The following ZNF66 variants were observed in gnomAD, a reference collection of about 807,000 sequenced individuals.
ZNF66 encodes putative zinc finger protein 66.
ZNF66 carries 32 observed loss-of-function variants against 35.2 expected under a neutral mutation model. That is an observed-to-expected ratio of 0.91 (90% CI 0.69 to 1.22). The LOEUF (loss-of-function observed/expected upper bound fraction) is 1.22. ZNF66 is among the 50% of genes most tolerant of loss of function. The pLI, the probability that ZNF66 is intolerant of heterozygous loss-of-function variation, is 0.00. For missense variants in ZNF66, 666 were observed against 543.1 expected (o/e 1.23, Z -2.25); for synonymous variants, 231 against 181.3 (o/e 1.27, Z -2.20).
intron 1 of ZNF66, among the ~76,000 whole-genome samples, chr19:20,791,496 A>AAAAG (rs1971337079): frequency 1.3e-5 from 2 of 149,606 alleles, no homozygotes; most frequent in African/African-American, 2.5e-5. Flanking sequence ...AAAAAAAAAA[A>AAAAG]AAAAAAAAAG....
At position 20,809,723 on chromosome 19, in the gene ZNF66, A is replaced by G. The variant is rs1971569941; in HGVS notation, c.*2401A>G. Among the ~76,000 whole-genome samples, 1 of 152,176 alleles carries G rather than the reference A, an allele frequency of 6.6e-6. No individual in the cohort carries two copies. ...AACAACTGATACCAGCCGCTGCAAAATCATGCCAAAATGTAAAGACCATCG... is the reference window on the plus strand; with the variant it reads ...AACAACTGATACCAGCCGCTGCAAAGTCATGCCAAAATGTAAAGACCATCG... On this transcript the variant is annotated 3_prime_UTR_variant, in exon 4 of 4. Coordinates refer to ENST00000344519, the MANE Select transcript of ZNF66 (RefSeq NM_001355197.2).
In ZNF66 at chr19:20,807,685, A is replaced by G. The variant is rs1260713574; in HGVS notation, c.*363A>G. On this transcript the variant is annotated 3_prime_UTR_variant, in exon 4 of 4. Transcript: ENST00000344519. Reference sequence around the variant, plus strand: ...AACCTCTGCCTCCCGGGTTCAAGCCATTTTCCTGCCTCAGCTTGTCTAGTA... The same window carrying G: ...AACCTCTGCCTCCCGGGTTCAAGCCGTTTTCCTGCCTCAGCTTGTCTAGTA... 2.6e-5 allele frequency among the ~76,000 whole-genome samples: 4 copies of G among 151,206 alleles called. No individual in the cohort carries two copies. The highest frequency in any genetic ancestry group is 2.9e-5 in the Non-Finnish European group (2 of 67,886).
At chr19:20,802,193 G>A (rs960233700) in intron 3 of ZNF66, among the ~76,000 whole-genome samples, 5 of 152,004 alleles carry the variant, frequency 3.3e-5, no homozygotes, top group Non-Finnish European at 4.4e-5. Flanking sequence ...TAGATTGTTG[G>A]GTACTTTATT....
Position 20,806,670 on chromosome 19 carries a change from C to G in ZNF66, c.1070C>G (p.Thr357Ser), listed in dbSNP as rs746954167. Residue 357 changes from threonine (T) to serine (S), a missense_variant, in exon 4 of 4, where the codon ACT becomes AGT. Physicochemically the swap from Thr to Ser is moderately conservative, Grantham distance 58. Coordinates refer to ENST00000344519, the MANE Select transcript of ZNF66 (RefSeq NM_001355197.2). ...GKGFKYSSTLTKHKIIHTGEK... is the reference protein window; with the variant it reads ...GKGFKYSSTLSKHKIIHTGEK... ...GGCTTTAAGTACTCCTCTACCCTTACTAAACATAAAATAATCCATACTGGA... is the reference window on the plus strand; with the variant it reads ...GGCTTTAAGTACTCCTCTACCCTTAGTAAACATAAAATAATCCATACTGGA... 13 of 1,510,198 alleles carry G rather than the reference C, an allele frequency of 8.6e-6. No homozygotes were observed. The highest frequency in any genetic ancestry group is 1.2e-5 in the Non-Finnish European group (13 of 1,087,850). 93.5% of individuals were successfully genotyped at this position (1,510,198 alleles called of 1,614,324 possible). A position where few individuals can be genotyped will look rare whatever the true frequency, so the allele number is the denominator to read the frequency against.
chr19:20,785,769 G>T lies in ZNF66; in HGVS notation c.4-6743G>T, dbSNP rs550433617. Among the ~76,000 whole-genome samples, 865 of 127,018 alleles carry T rather than the reference G, an allele frequency of 6.8e-3. 10 individuals are homozygous for T. The highest frequency in any genetic ancestry group is 0.024 in the African/African-American group (841 of 35,308). The allele number at this position is 127,018 out of a possible 152,430, so 83.3% of individuals were successfully genotyped here. A position where few individuals can be genotyped will look rare whatever the true frequency, so the allele number is the denominator to read the frequency against. ...TTTTTCTGTTTTTGTTTGTTTGTTTGTTTGTTTTTTGAGATAGAGGTCTCA... is the reference window on the plus strand; with the variant it reads ...TTTTTCTGTTTTTGTTTGTTTGTTTTTTTGTTTTTTGAGATAGAGGTCTCA... On this transcript the variant is annotated intron_variant, in intron 1 of 3. Transcript: ENST00000344519.
intron 1 of ZNF66, among the ~76,000 whole-genome samples, chr19:20,790,420 A>C (rs1367689801): frequency 6.6e-6 from 1 of 150,670 alleles, no homozygotes; most frequent in African/African-American, 2.4e-5. Context: ...GGCCTATTCT[A>C]TTTGGGTTTG....
At chr19:20,782,612 T>G (rs1971254812) in intron 1 of ZNF66, among the ~76,000 whole-genome samples, 1 of 152,326 alleles carries the variant, frequency 6.6e-6, no homozygotes, top group South Asian at 2.1e-4. Flanking sequence ...TCTTTTAATT[T>G]CTCTAGTGAT....
At chr19:20,790,036 G>A (rs1367746269) in intron 1 of ZNF66, among the ~76,000 whole-genome samples, 1 of 152,158 alleles carries the variant, frequency 6.6e-6, no homozygotes, top group Non-Finnish European at 1.5e-5. Context: ...AATGCGCCAA[G>A]GGGGAGCAAC....
At chr19:20,805,107 T>TGTGTGTG (rs1555783673) in intron 3 of ZNF66, among the ~76,000 whole-genome samples, 2 of 147,930 alleles carry the variant, frequency 1.4e-5, no homozygotes, top group African/African-American at 5.0e-5. Context: ...CAATTTACAT[T>TGTGTGTG]TGTGTGTGTG....
intron 1 of ZNF66, among the ~76,000 whole-genome samples, chr19:20,777,923 G>C (rs551704113): frequency 6.6e-6 from 1 of 152,028 alleles, no homozygotes; most frequent in African/African-American, 2.4e-5. Flanking sequence ...AGGAAAATGT[G>C]GTAGATAATT....
chr19:20,804,661 TTTGA>T (rs1470270574), intron 3 of ZNF66, among the ~76,000 whole-genome samples: 3 of 152,286 alleles, frequency 2.0e-5, no homozygotes, highest in East Asian at 3.9e-4. Flanking sequence ...CATTGTAATC[TTTGA>T]TTGAGCTTTG....
chr19:20,793,182 C>T (rs1971355224), intron 2 of ZNF66, among the ~76,000 whole-genome samples: 1 of 151,804 alleles, frequency 6.6e-6, no homozygotes, highest in African/African-American at 2.4e-5. Context: ...GTGGTAATTC[C>T]AGAAATTTAC....
chr19:20,790,738 G>A (rs1971329402), intron 1 of ZNF66, among the ~76,000 whole-genome samples: 1 of 123,386 alleles, frequency 8.1e-6, no homozygotes, highest in South Asian at 2.7e-4. Context: ...TCCAGAGAAG[G>A]AGGAGATCAG....
chr19:20,776,517 A>G, intron 1 of ZNF66, 67 bp downstream of exon 1: 1 of 1,478,832 alleles, frequency 6.8e-7, no homozygotes, highest in Non-Finnish European at 9.4e-7. Context: ...GCCTCCCCTC[A>G]GTCAGCTCCA....
intron 1 of ZNF66, among the ~76,000 whole-genome samples, chr19:20,788,615 G>C (rs1971308464): frequency 6.6e-6 from 1 of 151,964 alleles, no homozygotes; most frequent in Admixed American, 6.6e-5. Flanking sequence ...ATCTTGGTCA[G>C]ACTGGTCTCA....
In ZNF66 at chr19:20,809,027, C is replaced by T. The variant is rs7507484; in HGVS notation, c.*1705C>T. 0.093 allele frequency among the ~76,000 whole-genome samples: 14,090 copies of T among 151,862 alleles called. 669 individuals carry two copies. The highest frequency in any genetic ancestry group is 0.11 in the Middle Eastern group (33 of 294). ...GCTGAAAGCCAAGGATCAAGAACTA[C>T]GTGAAGAATGCAGAAGCCTCAGGAG... On this transcript the variant is annotated 3_prime_UTR_variant, in exon 4 of 4. Coordinates refer to ENST00000344519, the MANE Select transcript of ZNF66 (RefSeq NM_001355197.2).
intron 3 of ZNF66, among the ~76,000 whole-genome samples, chr19:20,797,094 G>T (rs918876865): frequency 6.6e-6 from 1 of 150,612 alleles, no homozygotes; most frequent in African/African-American, 2.4e-5. Flanking sequence ...CAGGTGAGCT[G>T]CTTGCCTTGG....
intron 3 of ZNF66, among the ~76,000 whole-genome samples, chr19:20,798,271 T>C (rs3853665): frequency 0.073 from 11,113 of 152,170 alleles, 581 homozygotes; most frequent in Middle Eastern, 0.14. Context: ...AAACACATAA[T>C]GTAAAATTTA....
chr19:20,801,787 A>G (rs969918750), intron 3 of ZNF66, among the ~76,000 whole-genome samples: 2 of 92,932 alleles, frequency 2.2e-5, no homozygotes, highest in Non-Finnish European at 2.5e-5. Context: ...CCTCACACCC[A>G]GCTAGCTTTT....
Sources: allele counts gnomAD v4.1 joint callset (sites outside exome capture counted in the v4.1 genomes callset), GRCh38; gene constraint gnomAD v4.1.1; transcripts MANE v1.5; gene names NCBI Gene and HGNC (gene_info 2026-07-23, HGNC 2026-07-21).